The following L3MBTL1 variants were observed in gnomAD, a reference collection of about 807,000 sequenced individuals.
The protein encoded by L3MBTL1 is lethal(3)malignant brain tumor-like protein 1.
A neutral mutation model predicts 105.3 loss-of-function variants in L3MBTL1; 75 were observed. The observed-to-expected ratio is 0.71, with a 90% CI of 0.59 to 0.86. The LOEUF (loss-of-function observed/expected upper bound fraction) is 0.86, where lower values mean the gene tolerates loss of function less well. Among genes scored for constraint, L3MBTL1 ranks in the 40% least tolerant of loss-of-function variants. The pLI, the probability that L3MBTL1 is intolerant of heterozygous loss-of-function variation, is 0.00. For synonymous variants in L3MBTL1, 452 were observed against 436.2 expected, an observed-to-expected ratio of 1.04 and a Z score of -0.45; for missense variants, 1,069 against 1,126.4, an observed-to-expected ratio of 0.95 and a Z score of 0.73.
chr20:43,539,826 AAT>A (rs2145490641), intron 19 of L3MBTL1: 1 of 414,538 alleles, frequency 2.4e-6, no homozygotes, highest in East Asian at 5.0e-5. Context: ...GCATCTAGAA[AAT>A]TATGTCTTTA....
chr20:43,540,604 T>A (rs548336890), intron 20 of L3MBTL1, 149 bp from the exon 21 acceptor site: 1 of 786,760 alleles, frequency 1.3e-6, no homozygotes, highest in East Asian at 2.7e-5. Context: ...ACTTGGCACA[T>A]CTGCCAGCAT....
At chr20:43,545,510 T>C (rs1978536954), downstream of L3MBTL1, among the ~76,000 whole-genome samples, 1 of 152,074 alleles carries the variant, frequency 6.6e-6, no homozygotes, top group South Asian at 2.1e-4. Flanking sequence ...GATGACCACT[T>C]GGCATCCCCC....
intron 8 of L3MBTL1, 185 bp downstream of exon 8, chr20:43,528,930 G>A (rs1300533683): frequency 6.5e-6 from 4 of 613,790 alleles, no homozygotes; most frequent in South Asian, 2.0e-5. Context: ...GGCAGGGTGG[G>A]AAGAAACAGA....
exon 19 of L3MBTL1, chr20:43,550,886 CA>C (rs1351561546): frequency 6.6e-6 from 1 of 152,168 alleles, no homozygotes; most frequent in Non-Finnish European, 1.5e-5. Context: ...GAAAAAGTTA[CA>C]AACAAAATGT....
At chr20:43,513,757 C>CA in intron 2 of L3MBTL1, 81 bp from the exon 3 acceptor site, 2 of 1,532,504 alleles carry the variant, frequency 1.3e-6, no homozygotes, top group Non-Finnish European at 1.8e-6. Context: ...CCTTCCTTCA[C>CA]ATGCCTACAC....
chr20:43,518,267 G>A (rs1038253881), intron 7 of L3MBTL1, among the ~76,000 whole-genome samples: 1 of 151,822 alleles, frequency 6.6e-6, no homozygotes, highest in African/African-American at 2.4e-5. Context: ...AATCTGGGGG[G>A]TGGGAATGGG....
chr20:43,535,789 C>T, intron 16 of L3MBTL1, 48 bp from the exon 17 acceptor site: 1 of 1,279,270 alleles, frequency 7.8e-7, no homozygotes, highest in Non-Finnish European at 1.1e-6. Context: ...GCCCCACACT[C>T]CCCACCCCCA....
chr20:43,534,274 C>T lies in L3MBTL1; in HGVS notation c.1600-10C>T, dbSNP rs760155991. The T allele has an allele frequency of 6.2e-7, 1 of 1,611,388 alleles. No individual in the cohort carries two copies. The highest frequency in any genetic ancestry group is 8.5e-7 in the Non-Finnish European group (1 of 1,178,256). ...GCGCCTTGCCCTGAAGGCAGCTGTCCCCTCTGCAGCGACCCCCTCACAGCT... is the reference window on the plus strand; with the variant it reads ...GCGCCTTGCCCTGAAGGCAGCTGTCTCCTCTGCAGCGACCCCCTCACAGCT... On this transcript the variant is annotated splice_polypyrimidine_tract_variant and intron_variant, in intron 14 of 21. Transcript: ENST00000418998.
At chr20:43,536,776 G>A (rs1012579143) in intron 19 of L3MBTL1, among the ~76,000 whole-genome samples, 1 of 152,214 alleles carries the variant, frequency 6.6e-6, no homozygotes, top group African/African-American at 2.4e-5. Context: ...GGCTTCCTGG[G>A]AAGGAGGCCA....
downstream of L3MBTL1, among the ~76,000 whole-genome samples, chr20:43,542,427 A>G (rs1390748655): frequency 1.3e-5 from 2 of 152,138 alleles, no homozygotes; most frequent in African/African-American, 4.8e-5. Context: ...TGGCCAACAT[A>G]GAACACACCG....
chr20:43,513,550 C>G lies in L3MBTL1; in HGVS notation c.47C>G (p.Pro16Arg). 6.4e-7 allele frequency: 1 copy of G among 1,550,762 alleles called. No homozygotes were observed. Among genetic ancestry groups the G allele is most frequent in the Non-Finnish European group, 8.7e-7 (1 of 1,147,034 alleles). The change falls in exon 2 of 22, where the codon CCT becomes CGT. Residue 16 changes from proline (P) to arginine (R), a missense_variant. By Grantham distance (103) the Pro-to-Arg change is moderately radical. Coordinates refer to ENST00000418998, the MANE Select transcript of L3MBTL1 (RefSeq NM_001377303.1). ...EMEMLRTLKG[P>R]STGEVSMHLV... ...GAGATGCTGAGGACACTGAAGGGGCCTTCCACAGGGGAGGTCAGCATGCAC... is the reference window on the plus strand; with the variant it reads ...GAGATGCTGAGGACACTGAAGGGGCGTTCCACAGGGGAGGTCAGCATGCAC...
At chr20:43,511,317 G>A (rs578095522) in intron 1 of L3MBTL1, among the ~76,000 whole-genome samples, 1 of 152,292 alleles carries the variant, frequency 6.6e-6, no homozygotes, top group African/African-American at 2.4e-5. Context: ...TGGGGATACA[G>A]CAATGAATAA....
intron 16 of L3MBTL1, 30 bp downstream of exon 16, chr20:43,534,972 T>A: frequency 6.8e-7 from 1 of 1,476,440 alleles, no homozygotes; most frequent in African/African-American, 1.4e-5. Context: ...TCTGATCTTT[T>A]CCTTTCCCCC....
At chr20:43,532,403 T>A (rs2019385551) in intron 11 of L3MBTL1, 1 of 205,822 alleles carries the variant, frequency 4.9e-6, no homozygotes, top group African/African-American at 2.3e-5. Context: ...GTCCGCTGTT[T>A]CTTCCCAGCC....
At chr20:43,522,294 G>C (rs7361088) in intron 7 of L3MBTL1, among the ~76,000 whole-genome samples, 19,403 of 151,852 alleles carry the variant, frequency 0.13, 1,426 homozygotes, top group Admixed American at 0.17. Flanking sequence ...ACCGGAGGTT[G>C]CAGTGAGCTG....
downstream of L3MBTL1, among the ~76,000 whole-genome samples, chr20:43,546,623 G>A (rs556353750): frequency 1.8e-4 from 28 of 152,078 alleles, no homozygotes; most frequent in African/African-American, 2.4e-4. Context: ...CAAAAACAGC[G>A]TCCCCCAGCT....
chr20:43,538,328 C>T (rs1032941141), intron 19 of L3MBTL1, among the ~76,000 whole-genome samples: 1 of 152,230 alleles, frequency 6.6e-6, no homozygotes, highest in African/African-American at 2.4e-5. Context: ...TGGGAAGCTA[C>T]ATCTTTCCAG....
At chr20:43,539,717 T>G (rs1050575926) in intron 19 of L3MBTL1, 6 of 259,240 alleles carry the variant, frequency 2.3e-5, no homozygotes, top group Non-Finnish European at 4.6e-5. Flanking sequence ...AGAAAGTTGG[T>G]CGTGGCCCGG....
At chr20:43,533,306 T>C (rs762923849) in intron 12 of L3MBTL1, 36 bp from the exon 13 acceptor site, 1 of 1,599,396 alleles carries the variant, frequency 6.3e-7, no homozygotes, top group Non-Finnish European at 8.5e-7. Context: ...GGGCCTCAAG[T>C]TTCTCTTGGG....
Sources: allele counts gnomAD v4.1 joint callset (sites outside exome capture counted in the v4.1 genomes callset), GRCh38; gene constraint gnomAD v4.1.1; transcripts MANE v1.5; gene names NCBI Gene and HGNC (gene_info 2026-07-23, HGNC 2026-07-21).